Variants in KCNQ5 observed in about 807,000 individuals in gnomAD.
The protein encoded by KCNQ5 is potassium voltage-gated channel subfamily KQT member 5.
A neutral mutation model predicts 98.2 loss-of-function variants in KCNQ5; 30 were observed. The observed-to-expected ratio is 0.31, with a 90% CI of 0.23 to 0.41. KCNQ5 has a LOEUF of 0.41. Ranked by LOEUF, KCNQ5 falls within the 10% of genes least tolerant of loss-of-function variation. KCNQ5 has a pLI of 1.00. For synonymous variants in KCNQ5, 458 were observed against 449.4 expected (o/e 1.02, Z -0.24); for missense variants, 835 against 1,182.5 (o/e 0.71, Z 4.31).
At chr6:72,763,336 T>G (rs1442580650) in intron 1 of KCNQ5, among the ~76,000 whole-genome samples, 1 of 151,978 alleles carries the variant, frequency 6.6e-6, no homozygotes, top group Non-Finnish European at 1.5e-5. Context: ...GTGTAGACAT[T>G]TAAAAGAAAC....
intron 1 of KCNQ5, among the ~76,000 whole-genome samples, chr6:72,677,868 A>T (rs1379431219): frequency 6.6e-6 from 1 of 152,236 alleles, no homozygotes; most frequent in Non-Finnish European, 1.5e-5. Context: ...ACACTGATGG[A>T]TACCACATGT....
At chr6:73,107,108 T>C (rs1205900000) in intron 6 of KCNQ5, among the ~76,000 whole-genome samples, 1 of 152,216 alleles carries the variant, frequency 6.6e-6, no homozygotes, top group Non-Finnish European at 1.5e-5. Context: ...AGTCTTGGGT[T>C]TTTTCCCAAA....
intron 1 of KCNQ5, among the ~76,000 whole-genome samples, chr6:72,998,842 T>C (rs563239729): frequency 6.6e-6 from 1 of 152,250 alleles, no homozygotes; most frequent in South Asian, 2.1e-4. Flanking sequence ...TCTGCCAAAA[T>C]GCTTGCAGAG....
chr6:73,086,660 T>A (rs1365111371), intron 5 of KCNQ5, among the ~76,000 whole-genome samples: 2 of 152,190 alleles, frequency 1.3e-5, no homozygotes, highest in African/African-American at 2.4e-5. Flanking sequence ...AGCATTATGC[T>A]AGATGTTGGG....
At chr6:72,972,585 C>T (rs1173705371) in intron 1 of KCNQ5, among the ~76,000 whole-genome samples, 1 of 150,902 alleles carries the variant, frequency 6.6e-6, no homozygotes, top group Non-Finnish European at 1.5e-5. Context: ...TGAGTGAGAA[C>T]ATATGGTGTT....
At chr6:72,833,476 C>T (rs1776373479) in intron 1 of KCNQ5, among the ~76,000 whole-genome samples, 1 of 152,122 alleles carries the variant, frequency 6.6e-6, no homozygotes, top group African/African-American at 2.4e-5. Flanking sequence ...CTGATTTCTT[C>T]CCTTGTCAAT....
intron 11 of KCNQ5, among the ~76,000 whole-genome samples, chr6:73,179,536 A>G (rs559597337): frequency 1.3e-5 from 2 of 152,266 alleles, no homozygotes; most frequent in East Asian, 3.9e-4. Context: ...TGAATTTCGG[A>G]GGGGGCATTC....
chr6:72,699,366 C>A (rs1768679505), intron 1 of KCNQ5, among the ~76,000 whole-genome samples: 1 of 152,206 alleles, frequency 6.6e-6, no homozygotes, highest in Non-Finnish European at 1.5e-5. Context: ...TAAATGCTGA[C>A]AAACTGTCAT....
intron 5 of KCNQ5, among the ~76,000 whole-genome samples, chr6:73,097,793 C>T (rs1774578541): frequency 6.6e-6 from 1 of 152,194 alleles, no homozygotes; most frequent in Non-Finnish European, 1.5e-5. Flanking sequence ...CTACAAGAAC[C>T]ATAGCATTAC....
Position 72,880,969 on chromosome 6 carries a change from G to A in KCNQ5, c.399-122939G>A, listed in dbSNP as rs115634053. ...TGAACAGTTGGATTGATCCAAGATT[G>A]ATGGAGCAGAGAGGATTAAAGATGT... On this transcript the variant is annotated intron_variant, in intron 1 of 13. Coordinates refer to ENST00000370398, the MANE Select transcript of KCNQ5 (RefSeq NM_019842.4). 2.8e-3 allele frequency among the ~76,000 whole-genome samples: 432 copies of A among 152,316 alleles called. 1 individual carries two copies. Among genetic ancestry groups the A allele is most frequent in the African/African-American group, 0.01 (425 of 41,578 alleles).
intron 1 of KCNQ5, among the ~76,000 whole-genome samples, chr6:72,780,177 C>T (rs573463358): frequency 5.9e-5 from 9 of 152,126 alleles, no homozygotes; most frequent in African/African-American, 1.4e-4. Flanking sequence ...CATTTATTAC[C>T]CCAATTTACA....
At chr6:72,736,723 T>A (rs1770869774) in intron 1 of KCNQ5, among the ~76,000 whole-genome samples, 1 of 151,002 alleles carries the variant, frequency 6.6e-6, no homozygotes, top group African/African-American at 2.4e-5. Flanking sequence ...ATGGTCTCGA[T>A]CTCCTGACCT....
intron 2 of KCNQ5, 81 bp downstream of exon 2, chr6:73,004,079 C>CA (rs1400166099): frequency 9.6e-6 from 7 of 726,934 alleles, no homozygotes; most frequent in African/African-American, 1.8e-5. Flanking sequence ...TCTTATCCTA[C>CA]AAAAAAATCC....
chr6:72,903,455 TGTA>T lies in KCNQ5; in HGVS notation c.399-100451_399-100449del, dbSNP rs1779585301. On this transcript the variant is annotated intron_variant, in intron 1 of 13. Coordinates refer to ENST00000370398, the MANE Select transcript of KCNQ5 (RefSeq NM_019842.4). Reference sequence around the variant, plus strand: ...GTTTGTGCTCTTACCATCTTTTTGATGTAGGCCTTTAGGACTATGAACTTTCCT... The same window carrying T: ...GTTTGTGCTCTTACCATCTTTTTGATGGCCTTTAGGACTATGAACTTTCCT... 2.6e-5 allele frequency among the ~76,000 whole-genome samples: 4 copies of T among 152,302 alleles called. No individual in the cohort carries two copies. The South Asian group carries it at 8.3e-4, about 32-fold the overall frequency.
intron 11 of KCNQ5, among the ~76,000 whole-genome samples, chr6:73,177,876 G>A (rs978716164): frequency 6.6e-6 from 1 of 152,142 alleles, no homozygotes; most frequent in Non-Finnish European, 1.5e-5. Context: ...TGTTTTGAAG[G>A]TAATTAGTTG....
chr6:72,760,253 A>G (rs1235244885), intron 1 of KCNQ5, among the ~76,000 whole-genome samples: 4 of 152,172 alleles, frequency 2.6e-5, no homozygotes, highest in Non-Finnish European at 5.9e-5. Flanking sequence ...GAAGAGCAGC[A>G]TTAGCATTTT....
At chr6:72,880,007 A>G (rs1778576435) in intron 1 of KCNQ5, among the ~76,000 whole-genome samples, 1 of 151,988 alleles carries the variant, frequency 6.6e-6, no homozygotes, top group Non-Finnish European at 1.5e-5. Flanking sequence ...CTACTTCCTG[A>G]TTTCTTTTTC....
chr6:73,004,749 G>A (rs1769741351), intron 2 of KCNQ5, among the ~76,000 whole-genome samples: 1 of 152,062 alleles, frequency 6.6e-6, no homozygotes, highest in Admixed American at 6.6e-5. Flanking sequence ...CACTCACTTT[G>A]TCCAAAATTA....
At chr6:72,768,853 C>T (rs1336922530) in intron 1 of KCNQ5, among the ~76,000 whole-genome samples, 5 of 151,986 alleles carry the variant, frequency 3.3e-5, no homozygotes, top group South Asian at 2.1e-4. Flanking sequence ...TCCCTTTCAT[C>T]GTGTCCCAAT....
Sources: allele counts gnomAD v4.1 joint callset (sites outside exome capture counted in the v4.1 genomes callset), GRCh38; gene constraint gnomAD v4.1.1; transcripts MANE v1.5; gene names NCBI Gene and HGNC (gene_info 2026-07-23, HGNC 2026-07-21).